SYN3: variants seen among roughly 807,000 people sequenced by gnomAD.
SYN3 encodes synapsin-3.
A neutral mutation model predicts 65.8 loss-of-function variants in SYN3; 35 were observed. That is an observed-to-expected ratio of 0.53 (90% CI 0.41 to 0.70). The LOEUF is 0.70. Ranked by LOEUF, SYN3 falls within the 30% of genes least tolerant of loss-of-function variation. The pLI, the probability that SYN3 is intolerant of heterozygous loss-of-function variation, is 0.00. For missense variants in SYN3, 680 were observed against 749.0 expected (o/e 0.91, Z 1.08); for synonymous variants, 270 against 292.9 (o/e 0.92, Z 0.80).
chr22:32,895,480 T>C (rs2049565806), intron 4 of SYN3, among the ~76,000 whole-genome samples: 1 of 152,220 alleles, frequency 6.6e-6, no homozygotes, highest in Non-Finnish European at 1.5e-5. Flanking sequence ...AGTATAGTAT[T>C]GAGCATGATA....
chr22:32,581,683 T>G (rs2058944427), intron 7 of SYN3, among the ~76,000 whole-genome samples: 2 of 152,162 alleles, frequency 1.3e-5, no homozygotes, highest in Non-Finnish European at 2.9e-5. Context: ...TTTCAAAAGA[T>G]TTTTAAATTA....
chr22:33,054,465 T>C (rs1241819610), intron 1 of SYN3, among the ~76,000 whole-genome samples: 1 of 152,236 alleles, frequency 6.6e-6, no homozygotes, highest in Non-Finnish European at 1.5e-5. Flanking sequence ...TGGCATTTAC[T>C]ATCCTCATGA....
In SYN3 at chr22:32,582,615, A is replaced by G. The variant is rs367705108; in HGVS notation, c.774+14059T>C. Among the ~76,000 whole-genome samples the G allele has an allele frequency of 3.3e-5, 5 of 152,206 alleles. No individual in the cohort carries two copies. The East Asian group carries it at 9.6e-4, about 29-fold the overall frequency. Reference sequence around the variant, plus strand: ...GGTTGGTCTTGAACTCCTAGACTCAAGTGATTCTCCCATCTCAGCCTCCTG... The same window carrying G: ...GGTTGGTCTTGAACTCCTAGACTCAGGTGATTCTCCCATCTCAGCCTCCTG... On this transcript the variant is annotated intron_variant, in intron 7 of 13. Transcript: ENST00000358763.
intron 2 of SYN3, 152 bp from the exon 3 acceptor site, chr22:32,980,854 C>CTT: frequency 1.7e-4 from 87 of 522,322 alleles, no homozygotes; most frequent in Middle Eastern, 3.6e-4. Flanking sequence ...TTTTCTCAGT[C>CTT]TTTTTTTTTT....
chr22:32,781,737 C>T (rs1301783516), intron 6 of SYN3, among the ~76,000 whole-genome samples: 1 of 151,422 alleles, frequency 6.6e-6, no homozygotes, highest in Non-Finnish European at 1.5e-5. Context: ...AGGGCTGAGA[C>T]ACAATTGCTA....
chr22:32,957,386 A>G (rs1037905944), intron 3 of SYN3, among the ~76,000 whole-genome samples: 5 of 152,176 alleles, frequency 3.3e-5, no homozygotes, highest in African/African-American at 9.7e-5. Flanking sequence ...GAAAATGAAC[A>G]TCGCCGGGAT....
intron 1 of SYN3, among the ~76,000 whole-genome samples, chr22:33,027,179 C>T (rs2053652922): frequency 6.6e-6 from 1 of 152,036 alleles, no homozygotes; most frequent in South Asian, 2.1e-4. Flanking sequence ...TACTGAGGAC[C>T]TATAAAGTGC....
At chr22:32,567,997 T>C (rs1016740) in intron 7 of SYN3, among the ~76,000 whole-genome samples, 47,742 of 152,058 alleles carry the variant, frequency 0.31, 7,735 homozygotes, top group East Asian at 0.52. Flanking sequence ...ATCCCCAGTT[T>C]CAGAAGGGAC....
At chr22:32,836,038 A>G (rs2047720576) in intron 6 of SYN3, among the ~76,000 whole-genome samples, 1 of 152,216 alleles carries the variant, frequency 6.6e-6, no homozygotes, top group South Asian at 2.1e-4. Context: ...AATATTTAGT[A>G]GTAGAAAGAA....
chr22:32,789,781 T>G (rs2046277878), intron 6 of SYN3, among the ~76,000 whole-genome samples: 1 of 152,240 alleles, frequency 6.6e-6, no homozygotes, highest in African/African-American at 2.4e-5. Context: ...TTAGCTCACT[T>G]TCTAAAGAGG....
At chr22:32,976,807 G>A (rs755453660) in intron 3 of SYN3, among the ~76,000 whole-genome samples, 11 of 152,152 alleles carry the variant, frequency 7.2e-5, no homozygotes, top group Non-Finnish European at 1.5e-4. Flanking sequence ...AAGGGGCGGA[G>A]GCTTCCTCTA....
rs1210510282 is a variant in SYN3, at chr22:32,509,744, A to G, written c.*3948T>C. ...CTACCACGCCCGGCTAATTTTTTAT[A>G]TTTTTAGTAGAGATGGGGTTTCACC... On this transcript the variant is annotated 3_prime_UTR_variant, in exon 14 of 14. Transcript: ENST00000358763. 1.3e-5 allele frequency among the ~76,000 whole-genome samples: 2 copies of G among 151,800 alleles called. No homozygotes were observed. The highest frequency in any genetic ancestry group is 3.9e-4 in the East Asian group (2 of 5,142).
chr22:32,645,585 A>G (rs1350637862), intron 6 of SYN3, among the ~76,000 whole-genome samples: 10 of 152,200 alleles, frequency 6.6e-5, no homozygotes, highest in Admixed American at 2.0e-4. Context: ...AGGCTGGATG[A>G]TATTTCTGAA....
intron 6 of SYN3, among the ~76,000 whole-genome samples, chr22:32,685,299 TC>T (rs67804485): frequency 1 from 152,312 of 152,312 alleles, 76,156 homozygotes; most frequent in Non-Finnish European, 1. Context: ...AGTGATAACA[TC>T]CCAAAATTAG....
At chr22:32,925,192 T>C (rs2050436799) in intron 4 of SYN3, among the ~76,000 whole-genome samples, 2 of 152,160 alleles carry the variant, frequency 1.3e-5, no homozygotes. Flanking sequence ...AATTCTTGGT[T>C]TGTCAATGTA....
At chr22:32,628,996 C>A (rs1201272501) in intron 6 of SYN3, among the ~76,000 whole-genome samples, 1 of 152,182 alleles carries the variant, frequency 6.6e-6, no homozygotes, top group African/African-American at 2.4e-5. Flanking sequence ...TAGAATTGCT[C>A]CGCCTGATAG....
At chr22:33,023,966 C>T (rs771277613) in intron 1 of SYN3, among the ~76,000 whole-genome samples, 14 of 152,172 alleles carry the variant, frequency 9.2e-5, no homozygotes, top group Non-Finnish European at 1.8e-4. Context: ...CCTTGGTGAT[C>T]ATCTAGAACG....
At chr22:32,874,655 A>G (rs1267051949) in intron 4 of SYN3, among the ~76,000 whole-genome samples, 1 of 152,174 alleles carries the variant, frequency 6.6e-6, no homozygotes, top group Non-Finnish European at 1.5e-5. Context: ...CCACTATTTC[A>G]TAACTGTCCC....
At chr22:32,522,740 G>A (rs1037618516) in intron 12 of SYN3, among the ~76,000 whole-genome samples, 1 of 151,964 alleles carries the variant, frequency 6.6e-6, no homozygotes, top group Non-Finnish European at 1.5e-5. Context: ...CTTGCTAATT[G>A]CTTCACCTGC....
Sources: allele counts gnomAD v4.1 joint callset (sites outside exome capture counted in the v4.1 genomes callset), GRCh38; gene constraint gnomAD v4.1.1; transcripts MANE v1.5; gene names NCBI Gene and HGNC (gene_info 2026-07-23, HGNC 2026-07-21).